PPP2R2B: variants seen among roughly 807,000 people sequenced by gnomAD.
The protein encoded by PPP2R2B is serine/threonine-protein phosphatase 2A 55 kDa regulatory subunit B beta isoform.
A neutral mutation model predicts 46.0 loss-of-function variants in PPP2R2B; 5 were observed. The observed-to-expected ratio is 0.11, with a 90% confidence interval of 0.06 to 0.23. PPP2R2B has a LOEUF of 0.23. Among genes scored for constraint, PPP2R2B ranks in the 10% least tolerant of loss-of-function variants. PPP2R2B has a pLI of 1.00. For synonymous variants in PPP2R2B, 215 were observed against 206.7 expected, an observed-to-expected ratio of 1.04 and a Z score of -0.34; for missense variants, 367 against 575.0, an observed-to-expected ratio of 0.64 and a Z score of 3.70.
intron 2 of PPP2R2B, among the ~76,000 whole-genome samples, chr5:146,776,941 C>T (rs1337789099): frequency 6.6e-6 from 1 of 152,012 alleles, no homozygotes; most frequent in Non-Finnish European, 1.5e-5. Context: ...AAATACCACA[C>T]TAAGATACTA....
At chr5:146,660,795 T>C (rs1776621477) in intron 5 of PPP2R2B, among the ~76,000 whole-genome samples, 1 of 152,230 alleles carries the variant, frequency 6.6e-6, no homozygotes, top group Admixed American at 6.5e-5. Context: ...TATCTTAGAA[T>C]TATATTCTTT....
upstream of PPP2R2B, among the ~76,000 whole-genome samples, chr5:147,058,934 A>G (rs941034921): frequency 2.0e-5 from 3 of 152,196 alleles, no homozygotes; most frequent in Non-Finnish European, 2.9e-5. Flanking sequence ...CCTCAAGCCA[A>G]TGGATCCAGA....
At chr5:146,729,863 G>A (rs192247959) in intron 2 of PPP2R2B, among the ~76,000 whole-genome samples, 169 of 152,334 alleles carry the variant, frequency 1.1e-3, no homozygotes, top group African/African-American at 3.8e-3. Flanking sequence ...CCCTCATGGA[G>A]AACCTCTGCT....
At chr5:146,635,970 A>G (rs1774793747) in intron 7 of PPP2R2B, among the ~76,000 whole-genome samples, 1 of 152,232 alleles carries the variant, frequency 6.6e-6, no homozygotes, top group Non-Finnish European at 1.5e-5. Flanking sequence ...TGTCACTTAT[A>G]ACACCCATAG....
At chr5:146,820,344 A>T (rs1164555678) in intron 2 of PPP2R2B, among the ~76,000 whole-genome samples, 2 of 152,196 alleles carry the variant, frequency 1.3e-5, no homozygotes, top group African/African-American at 4.8e-5. Flanking sequence ...ATTAAACATT[A>T]AAAAATTTTA....
chr5:146,705,646 T>A (rs1390052771), intron 2 of PPP2R2B, among the ~76,000 whole-genome samples: 1 of 152,182 alleles, frequency 6.6e-6, no homozygotes, highest in Non-Finnish European at 1.5e-5. Flanking sequence ...AAAGTCAGCA[T>A]CCATTTTCTC....
chr5:146,650,970 AT>A (rs1775913894), intron 5 of PPP2R2B, among the ~76,000 whole-genome samples: 1 of 151,870 alleles, frequency 6.6e-6, no homozygotes, highest in Non-Finnish European at 1.5e-5. Flanking sequence ...AATTCTAAAC[AT>A]TTTTCTAAGC....
At chr5:146,775,073 TC>T in intron 2 of PPP2R2B, among the ~76,000 whole-genome samples, 1 of 152,206 alleles carries the variant, frequency 6.6e-6, no homozygotes, top group East Asian at 1.9e-4. Context: ...TTAACACCAA[TC>T]CTTCTCAAAC....
chr5:146,958,486 C>A (rs1355900341), intron 1 of PPP2R2B, among the ~76,000 whole-genome samples: 1 of 152,156 alleles, frequency 6.6e-6, no homozygotes, highest in Non-Finnish European at 1.5e-5. Context: ...TACTTTATTA[C>A]CGTCACTACC....
intron 5 of PPP2R2B, 94 bp from the exon 6 acceptor site, chr5:146,650,818 T>G: frequency 8.5e-7 from 1 of 1,179,036 alleles, no homozygotes; most frequent in Non-Finnish European, 1.2e-6. Flanking sequence ...ACACACAAAA[T>G]AATAGCCACA....
At chr5:146,924,941 G>A (rs1176258876) in intron 1 of PPP2R2B, among the ~76,000 whole-genome samples, 2 of 152,022 alleles carry the variant, frequency 1.3e-5, no homozygotes, top group African/African-American at 4.8e-5. Context: ...GTCTATCACT[G>A]ATGGGCATTT....
intron 7 of PPP2R2B, among the ~76,000 whole-genome samples, chr5:146,628,640 C>A (rs1368865641): frequency 6.6e-6 from 1 of 152,202 alleles, no homozygotes; most frequent in Non-Finnish European, 1.5e-5. Flanking sequence ...TCTGCCCAAA[C>A]CACAATGGAA....
At chr5:147,038,624 A>G (rs1393429677) in intron 1 of PPP2R2B, among the ~76,000 whole-genome samples, 1 of 152,236 alleles carries the variant, frequency 6.6e-6, no homozygotes, top group Non-Finnish European at 1.5e-5. Flanking sequence ...ACGAATTATA[A>G]TAGCCAACAT....
At chr5:146,624,008 C>T (rs182766311) in intron 7 of PPP2R2B, among the ~76,000 whole-genome samples, 2 of 152,180 alleles carry the variant, frequency 1.3e-5, no homozygotes, top group Admixed American at 6.5e-5. Flanking sequence ...CCCCCCTTCT[C>T]CATCTTACAG....
chr5:147,054,497 C>CT, intron 1 of PPP2R2B: 1 of 395,428 alleles, frequency 2.5e-6, no homozygotes, highest in South Asian at 1.8e-5. Flanking sequence ...AAAAAAAGTC[C>CT]ATGAGATATC....
chr5:147,076,263 A>T (rs1001278915), intron 2 of PPP2R2B, among the ~76,000 whole-genome samples: 69 of 152,176 alleles, frequency 4.5e-4, no homozygotes, highest in African/African-American at 1.5e-3. Context: ...ATTGTTAAGT[A>T]AAAACATCAA....
chr5:146,942,176 C>T (rs1336278843), intron 1 of PPP2R2B, among the ~76,000 whole-genome samples: 1 of 152,278 alleles, frequency 6.6e-6, no homozygotes, highest in South Asian at 2.1e-4. Context: ...TTCTGAGGTG[C>T]TATGAGTTAG....
intron 1 of PPP2R2B, among the ~76,000 whole-genome samples, chr5:146,944,913 G>C (rs1333140383): frequency 2.0e-5 from 3 of 152,140 alleles, no homozygotes; most frequent in African/African-American, 4.8e-5. Flanking sequence ...GCAAATTAGT[G>C]ATTAGATCAG....
chr5:146,897,479 A>G (rs1168856919), intron 1 of PPP2R2B, among the ~76,000 whole-genome samples: 1 of 152,206 alleles, frequency 6.6e-6, no homozygotes, highest in African/African-American at 2.4e-5. Flanking sequence ...TACAAAATAC[A>G]AGATAATCTC....
Sources: allele counts gnomAD v4.1 joint callset (sites outside exome capture counted in the v4.1 genomes callset), GRCh38; gene constraint gnomAD v4.1.1; transcripts MANE v1.5; gene names NCBI Gene and HGNC (gene_info 2026-07-23, HGNC 2026-07-21).